The following CAMKMT variants were observed in gnomAD, a reference collection of about 807,000 sequenced individuals.
CAMKMT encodes calmodulin-lysine N-methyltransferase.
In CAMKMT, 53 loss-of-function variants were observed where a neutral mutation model predicts 48.0. That is an observed-to-expected ratio of 1.10 (90% CI 0.89 to 1.39). CAMKMT has a LOEUF of 1.39. CAMKMT is among the 40% of genes most tolerant of loss of function. CAMKMT has a pLI of 0.00. For missense variants in CAMKMT, 428 were observed against 402.7 expected, an observed-to-expected ratio of 1.06 and a Z score of -0.54; for synonymous variants, 165 against 152.3, an observed-to-expected ratio of 1.08 and a Z score of -0.61.
At position 44,556,471 on chromosome 2, in the gene CAMKMT, T is replaced by C. The variant is rs1234362203; in HGVS notation, c.377-147812T>C. ...CTTTCTTTTTTTTTTTTTTTTTTTT[T>C]TTTTTTTTTGAGACGGAGTCTCGCT... is the stretch of plus-strand genomic sequence containing the variant. On this transcript the variant is annotated intron_variant, in intron 3 of 10. Coordinates refer to ENST00000378494, the MANE Select transcript of CAMKMT (RefSeq NM_024766.5). Among the ~76,000 whole-genome samples, 2 of 19,012 alleles carry C rather than the reference T, an allele frequency of 1.1e-4. 1 individual carries two copies. Among genetic ancestry groups the C allele is most frequent in the African/African-American group, 4.5e-4 (2 of 4,456 alleles). The allele number at this position is 19,012 out of a possible 152,430, so 12.5% of individuals were successfully genotyped here.
intron 3 of CAMKMT, among the ~76,000 whole-genome samples, chr2:44,476,523 A>T (rs556561824): frequency 2.0e-5 from 3 of 152,214 alleles, no homozygotes; most frequent in South Asian, 4.1e-4. Flanking sequence ...TAAGTGAAAT[A>T]TTAAATCTTG....
chr2:44,615,615 T>C (rs764946920), intron 3 of CAMKMT, among the ~76,000 whole-genome samples: 1 of 152,002 alleles, frequency 6.6e-6, no homozygotes, highest in African/African-American at 2.4e-5. Context: ...ATGGATGTGG[T>C]TTGGGGAATA....
intron 3 of CAMKMT, among the ~76,000 whole-genome samples, chr2:44,573,805 T>C (rs1431671241): frequency 6.6e-6 from 1 of 152,216 alleles, no homozygotes; most frequent in Non-Finnish European, 1.5e-5. Context: ...TCAAACCAAA[T>C]GTATTAGTTT....
In CAMKMT at chr2:44,390,269, G is replaced by T. The variant is rs780105077; in HGVS notation, c.340G>T (p.Asp114Tyr). The T allele has an allele frequency of 6.8e-6, 11 of 1,610,144 alleles. No homozygotes were observed. In the East Asian group the frequency reaches 2.5e-4, roughly 36 times the overall value. The change falls in exon 3 of 11, where the codon GAT (aspartate) becomes TAT (tyrosine). Residue 114 changes from aspartate (D) to tyrosine (Y), a missense_variant. Physicochemically the swap from Asp to Tyr is radical, Grantham distance 160 (BLOSUM62 -3). Coordinates refer to ENST00000378494, the MANE Select transcript of CAMKMT (RefSeq NM_024766.5). ...RHNSGSLNVE[D>Y]VLTSFDNTGN... is the part of the protein sequence containing the mutation. ...TAATAGTGGATCCTTGAATGTTGAA[G>T]ATGTCCTTACCAGCTTTGACAATAC... is the stretch of plus-strand genomic sequence containing the variant.
intron 3 of CAMKMT, among the ~76,000 whole-genome samples, chr2:44,444,219 G>A (rs10495918): frequency 0.046 from 6,985 of 152,236 alleles, 407 homozygotes; most frequent in East Asian, 0.3. Context: ...GATTTTGAAA[G>A]AGCATTAAAT....
chr2:44,725,543 G>A (rs1226012217), intron 7 of CAMKMT, among the ~76,000 whole-genome samples: 1 of 152,164 alleles, frequency 6.6e-6, no homozygotes, highest in Non-Finnish European at 1.5e-5. Flanking sequence ...GCCAATTCAA[G>A]GTGGAAGGAT....
chr2:44,436,387 C>G (rs931975583), intron 3 of CAMKMT, among the ~76,000 whole-genome samples: 15 of 152,012 alleles, frequency 9.9e-5, no homozygotes, highest in African/African-American at 2.2e-4. Context: ...AAACTCAATT[C>G]TCACTTCAGA....
At chr2:44,591,531 T>G (rs1446338248) in intron 3 of CAMKMT, among the ~76,000 whole-genome samples, 1 of 152,032 alleles carries the variant, frequency 6.6e-6, no homozygotes, top group Admixed American at 6.5e-5. Flanking sequence ...GAATGGGAGT[T>G]CACTCATGAT....
intron 3 of CAMKMT, among the ~76,000 whole-genome samples, chr2:44,528,295 T>C (rs1053481994): frequency 1.3e-5 from 2 of 152,122 alleles, no homozygotes; most frequent in Non-Finnish European, 2.9e-5. Context: ...ATTTCCTTAG[T>C]TCTTGTTTTA....
At position 44,559,874 on chromosome 2, in the gene CAMKMT, A is replaced by G. The variant is rs182154184; in HGVS notation, c.377-144409A>G. Among the ~76,000 whole-genome samples the G allele has an allele frequency of 3.1e-3, 466 of 152,342 alleles. 1 individual carries two copies. Among genetic ancestry groups the G allele is most frequent in the African/African-American group, 8.4e-3 (349 of 41,582 alleles). On this transcript the variant is annotated intron_variant, in intron 3 of 10. Coordinates refer to ENST00000378494, the MANE Select transcript of CAMKMT (RefSeq NM_024766.5). ...TGGGACCTAATTTTTTGTTTAAGAT[A>G]AAAAAGCTTCTCTATGTTTTTGCCT...
At position 44,766,509 on chromosome 2, in the gene CAMKMT, G is replaced by T; in HGVS notation, c.842G>T (p.Cys281Phe). The stretch of plus-strand genomic sequence containing the variant: ...AATCTAGCTGAAAAAGCTGGTTTCT[G>T]TATCCAAAGACATGAAAATTATGAT... ...FCNLAEKAGFCIQRHENYDEH... is the reference protein window; with the variant it reads ...FCNLAEKAGFFIQRHENYDEH... The change falls in exon 10 of 11, where the codon TGT becomes TTT. Residue 281 changes from cysteine (C) to phenylalanine (F), a missense_variant. Physicochemically the swap from Cys to Phe is radical, Grantham distance 205. Coordinates refer to ENST00000378494, the MANE Select transcript of CAMKMT (RefSeq NM_024766.5). 6.2e-7 allele frequency: 1 copy of T among 1,614,118 alleles called. No individual in the cohort carries two copies. The highest frequency in any genetic ancestry group is 8.5e-7 in the Non-Finnish European group (1 of 1,180,022).
At chr2:44,554,038 T>A (rs1272722177) in intron 3 of CAMKMT, among the ~76,000 whole-genome samples, 1 of 152,180 alleles carries the variant, frequency 6.6e-6, no homozygotes, top group Non-Finnish European at 1.5e-5. Flanking sequence ...GGGTGCCTAT[T>A]TATCTCTTTA....
chr2:44,532,487 C>T (rs1174436206), intron 3 of CAMKMT, among the ~76,000 whole-genome samples: 2 of 152,168 alleles, frequency 1.3e-5, no homozygotes, highest in African/African-American at 4.8e-5. Context: ...ACATTGAGTT[C>T]CTACTATAGT....
chr2:44,578,724 G>A (rs1184352488), intron 3 of CAMKMT, among the ~76,000 whole-genome samples: 1 of 152,152 alleles, frequency 6.6e-6, no homozygotes, highest in East Asian at 1.9e-4. Context: ...TTAGGGTTGT[G>A]AGTCATGGTC....
At chr2:44,737,235 C>T (rs1028296700) in intron 7 of CAMKMT, among the ~76,000 whole-genome samples, 27 of 152,102 alleles carry the variant, frequency 1.8e-4, no homozygotes, top group African/African-American at 6.3e-4. Context: ...CCCTTCTCAG[C>T]CCCCCAGGTA....
At chr2:44,538,426 T>C (rs1403378924) in intron 3 of CAMKMT, among the ~76,000 whole-genome samples, 1 of 151,708 alleles carries the variant, frequency 6.6e-6, no homozygotes, top group East Asian at 1.9e-4. Flanking sequence ...ATATACACCA[T>C]GGCATACTAC....
chr2:44,589,782 CA>C (rs1358205997), intron 3 of CAMKMT, among the ~76,000 whole-genome samples: 1 of 81,010 alleles, frequency 1.2e-5, no homozygotes, highest in East Asian at 2.3e-4. Flanking sequence ...CTAGGAAAAC[CA>C]GAGACCTTTG....
intron 3 of CAMKMT, among the ~76,000 whole-genome samples, chr2:44,679,181 G>A (rs935657299): frequency 1.3e-5 from 2 of 152,094 alleles, no homozygotes; most frequent in Non-Finnish European, 2.9e-5. Flanking sequence ...GGGGCCTGTG[G>A]GTGAATCAAT....
chr2:44,753,996 A>T lies in CAMKMT; in HGVS notation c.699-59A>T, dbSNP rs1009981178. On this transcript the variant is annotated intron_variant, in intron 8 of 10. Coordinates refer to ENST00000378494, the MANE Select transcript of CAMKMT (RefSeq NM_024766.5). ...AATTAGCCTTGTACTTATCTCCATT[A>T]GTATCATTAGACTTGAAAACCCAGT... 31 of 1,157,874 alleles carry T rather than the reference A, an allele frequency of 2.7e-5. No homozygotes were observed. In the African/African-American group the frequency reaches 4.2e-4, roughly 16 times the overall value. 71.7% of individuals were successfully genotyped at this position (1,157,874 alleles called of 1,614,324 possible). A position where few individuals can be genotyped will look rare whatever the true frequency, so the allele number is the denominator to read the frequency against.
Sources: gnomAD v4.1 joint callset for allele counts (sites outside exome capture counted in the v4.1 genomes callset) on GRCh38, gnomAD v4.1.1 for gene constraint, MANE v1.5 for transcripts, NCBI Gene and HGNC (gene_info 2026-07-23, HGNC 2026-07-21) for gene names.